Variants in NFKB1 observed in about 807,000 individuals in gnomAD.
NFKB1 encodes nuclear factor NF-kappa-B p105 subunit.
Under a neutral mutation model 105.1 loss-of-function variants are expected in NFKB1, and 9 were observed. That is an observed-to-expected ratio of 0.09 (90% confidence interval 0.05 to 0.15). NFKB1 has a LOEUF of 0.15. Ranked by LOEUF, NFKB1 falls within the 10% of genes least tolerant of loss-of-function variation. The pLI, the probability that NFKB1 is intolerant of heterozygous loss-of-function variation, is 1.00. For missense variants in NFKB1, 830 were observed against 1,203.7 expected, an observed-to-expected ratio of 0.69 and a Z score of 4.59; for synonymous variants, 440 against 442.2, an observed-to-expected ratio of 1.00 and a Z score of 0.06.
chr4:102,569,344 T>G (rs893466439), intron 6 of NFKB1, among the ~76,000 whole-genome samples: 9 of 152,136 alleles, frequency 5.9e-5, no homozygotes, highest in African/African-American at 2.2e-4. Flanking sequence ...CTACAGAATC[T>G]TATCTTCAGG....
intron 1 of NFKB1, among the ~76,000 whole-genome samples, chr4:102,507,039 T>A (rs1416659028): frequency 3.4e-5 from 5 of 147,148 alleles, no homozygotes; most frequent in South Asian, 2.1e-4. Context: ...AATATAATTA[T>A]ATTTAATATA....
intron 5 of NFKB1, among the ~76,000 whole-genome samples, chr4:102,547,732 G>A (rs79635087): frequency 0.035 from 5,355 of 152,130 alleles, 335 homozygotes; most frequent in African/African-American, 0.12. Context: ...TGGATTCATG[G>A]AGCTACACAA....
At chr4:102,513,622 A>AG (rs1209089191) in intron 1 of NFKB1, among the ~76,000 whole-genome samples, 1 of 152,134 alleles carries the variant, frequency 6.6e-6, no homozygotes, top group Non-Finnish European at 1.5e-5. Context: ...TGCTTCTTTC[A>AG]GGGGGGTGAG....
In NFKB1 at chr4:102,600,492, T is replaced by C. The variant is rs183774300; in HGVS notation, c.1638-403T>C. 1.1e-3 allele frequency among the ~76,000 whole-genome samples: 174 copies of C among 152,296 alleles called. 2 individuals are homozygous for C. The highest frequency in any genetic ancestry group is 4.1e-3 in the African/African-American group (169 of 41,558). The stretch of plus-strand genomic sequence containing the variant: ...ACAATTCCTAGTGCCAGGCATTCAT[T>C]TTACATAGAATCTGTGTGTCAGGAA... On this transcript the variant is annotated intron_variant, in intron 15 of 23. Coordinates refer to ENST00000226574, the MANE Select transcript of NFKB1 (RefSeq NM_003998.4).
chr4:102,530,341 A>C (rs1040624282), intron 3 of NFKB1, among the ~76,000 whole-genome samples: 5 of 152,176 alleles, frequency 3.3e-5, no homozygotes, highest in African/African-American at 1.2e-4. Flanking sequence ...AAATCATCTC[A>C]TTAGAAAAAT....
chr4:102,503,617 G>A (rs1449280115), intron 1 of NFKB1: 2 of 152,112 alleles, frequency 1.3e-5, no homozygotes, highest in Admixed American at 6.5e-5. Flanking sequence ...TTCAAACCCA[G>A]ATAGTAAATA....
At chr4:102,513,192 T>G (rs1257803522) in intron 1 of NFKB1, among the ~76,000 whole-genome samples, 1 of 152,212 alleles carries the variant, frequency 6.6e-6, no homozygotes, top group Non-Finnish European at 1.5e-5. Context: ...TAATGCCATC[T>G]GAATGAAAGA....
intron 1 of NFKB1, among the ~76,000 whole-genome samples, chr4:102,506,735 A>G (rs557796868): frequency 7.8e-4 from 119 of 152,260 alleles, no homozygotes; most frequent in Admixed American, 2.9e-3. Context: ...GTCCTGTGGG[A>G]AAACAACCAT....
chr4:102,570,446 T>C (rs1186564637), intron 6 of NFKB1, among the ~76,000 whole-genome samples: 1 of 152,168 alleles, frequency 6.6e-6, no homozygotes, highest in Non-Finnish European at 1.5e-5. Flanking sequence ...ACATTTTCTT[T>C]ATTTATTTAT....
intron 5 of NFKB1, among the ~76,000 whole-genome samples, chr4:102,550,444 C>A (rs1260427753): frequency 6.6e-6 from 1 of 152,108 alleles, no homozygotes; most frequent in African/African-American, 2.4e-5. Flanking sequence ...TACACTAATT[C>A]ATAATTCTAA....
rs1046304590 is a variant in NFKB1, at chr4:102,601,003, G to A, written c.1746G>A (p.Leu582=). Residue 582 remains leucine (L), a synonymous_variant, in exon 16 of 24, where the codon CTG becomes CTA. Coordinates refer to ENST00000226574, the MANE Select transcript of NFKB1 (RefSeq NM_003998.4). ...ACATTATCAACATGAGAAATGATCT[G>A]TACCAGGTAAGCAGAAATCTCAAGA... ...SDDIINMRND[L]YQTPLHLAVI... 5 of 1,563,880 alleles carry A rather than the reference G, an allele frequency of 3.2e-6. No individual in the cohort carries two copies. Among genetic ancestry groups the A allele is most frequent in the Non-Finnish European group, 4.4e-6 (5 of 1,142,492 alleles).
At chr4:102,577,471 C>A (rs1182943197) in intron 7 of NFKB1, among the ~76,000 whole-genome samples, 4 of 152,170 alleles carry the variant, frequency 2.6e-5, no homozygotes, top group African/African-American at 9.7e-5. Context: ...TATTATAAGG[C>A]ATTTTTCTTT....
chr4:102,616,573 A>T lies in NFKB1; in HGVS notation c.2889A>T (p.Gly963=). Residue 963 remains glycine, a synonymous_variant, in exon 24 of 24, where the codon GGA becomes GGT. Transcript: ENST00000226574. ...NKMPHDYGQE[G]PLEGKI ...TGCCCCATGATTATGGGCAGGAAGG[A>T]CCTCTAGAAGGCAAAATTTAGCCTG... 1 of 1,613,992 alleles carries T rather than the reference A, an allele frequency of 6.2e-7. No individual in the cohort carries two copies. Among genetic ancestry groups the T allele is most frequent in the Non-Finnish European group, 8.5e-7 (1 of 1,179,968 alleles).
In NFKB1 at chr4:102,537,906, C is replaced by T; in HGVS notation, c.208C>T (p.Leu70=). The part of the protein sequence containing the change: ...YVCEGPSHGG[L]PGASSEKNKK... ...ATGTGAAGGCCCATCCCATGGTGGACTACCTGGTGCCTCTAGTGAAAAGAA... is the reference window on the plus strand; with the variant it reads ...ATGTGAAGGCCCATCCCATGGTGGATTACCTGGTGCCTCTAGTGAAAAGAA... The change falls in exon 5 of 24, where the codon CTA becomes TTA. Residue 70 remains leucine (L), a synonymous_variant. Transcript: ENST00000226574. The T allele has an allele frequency of 1.2e-6, 2 of 1,612,714 alleles. No individual in the cohort carries two copies. The highest frequency in any genetic ancestry group is 1.7e-6 in the Non-Finnish European group (2 of 1,178,932).
intron 5 of NFKB1, among the ~76,000 whole-genome samples, chr4:102,541,130 G>A (rs1294257491): frequency 6.6e-6 from 1 of 152,160 alleles, no homozygotes; most frequent in African/African-American, 2.4e-5. Flanking sequence ...CAGCCTCCCT[G>A]ACCTTGACTC....
At chr4:102,568,176 GCTTT>G (rs1352218893) in intron 6 of NFKB1, among the ~76,000 whole-genome samples, 1 of 151,980 alleles carries the variant, frequency 6.6e-6, no homozygotes, top group Non-Finnish European at 1.5e-5. Context: ...TGGAGGTTGT[GCTTT>G]CATGTTCCTA....
intron 4 of NFKB1, among the ~76,000 whole-genome samples, chr4:102,535,230 A>G (rs1045845714): frequency 2.0e-5 from 3 of 152,178 alleles, no homozygotes; most frequent in Admixed American, 6.5e-5. Flanking sequence ...TAGGTAGTCT[A>G]TGAAACAGAA....
At chr4:102,599,761 A>AAT (rs1726974721) in intron 15 of NFKB1, among the ~76,000 whole-genome samples, 1 of 152,214 alleles carries the variant, frequency 6.6e-6, no homozygotes. Context: ...AATATTACCT[A>AAT]ACTCATAGGA....
intron 14 of NFKB1, among the ~76,000 whole-genome samples, chr4:102,597,154 G>A (rs1388642149): frequency 1.3e-5 from 2 of 152,150 alleles, no homozygotes; most frequent in Non-Finnish European, 2.9e-5. Context: ...TCCAATGAAG[G>A]ATTATTTCAC....
Sources: gnomAD v4.1 joint callset for allele counts (sites outside exome capture counted in the v4.1 genomes callset) on GRCh38, gnomAD v4.1.1 for gene constraint, MANE v1.5 for transcripts, NCBI Gene and HGNC (gene_info 2026-07-23, HGNC 2026-07-21) for gene names.